The following MTUS2 variants were observed in gnomAD, a reference collection of about 807,000 sequenced individuals.
MTUS2 encodes the protein microtubule-associated tumor suppressor candidate 2.
MTUS2 carries 40 observed loss-of-function variants against 114.1 expected under a neutral mutation model. That is an observed-to-expected ratio of 0.35 (90% confidence interval 0.27 to 0.46). MTUS2 has a LOEUF of 0.46. Among genes scored for constraint, MTUS2 ranks in the 20% least tolerant of loss-of-function variants. The pLI, the probability that MTUS2 is intolerant of heterozygous loss-of-function variation, is 1.00. For missense variants in MTUS2, 1,679 were observed against 1,705.4 expected, an observed-to-expected ratio of 0.98 and a Z score of 0.27; for synonymous variants, 688 against 672.0, an observed-to-expected ratio of 1.02 and a Z score of -0.37.
At position 29,025,757 on chromosome 13, in the gene MTUS2, C is replaced by A. The variant is rs546966886; in HGVS notation, c.1059C>A (p.His353Gln). 2.0e-5 allele frequency: 33 copies of A among 1,613,946 alleles called. No individual in the cohort carries two copies. The Admixed American group carries it at 3.7e-4, about 18-fold the overall frequency. Reference sequence around the variant, plus strand: ...GAAGGGATCCATGTGGGGAAGCACACCCGGAAGCCACCGATGCACTTGGCC... The same window carrying A: ...GAAGGGATCCATGTGGGGAAGCACAACCGGAAGCCACCGATGCACTTGGCC... ...LEGRDPCGEA[H>Q]PEATDALGHL... is the part of the protein sequence containing the mutation. The change falls in exon 3 of 16, where the codon CAC becomes CAA. Residue 353 changes from histidine to glutamine, a missense_variant. By Grantham distance (24) the His-to-Gln change is conservative. Transcript: ENST00000612955.
chr13:28,864,434 C>T (rs1212729426), intron 2 of MTUS2, among the ~76,000 whole-genome samples: 4 of 152,190 alleles, frequency 2.6e-5, no homozygotes, highest in African/African-American at 9.7e-5. Context: ...ACCTGCAGCT[C>T]TTGAAATTCT....
At chr13:28,918,307 A>G (rs533256491) in intron 2 of MTUS2, among the ~76,000 whole-genome samples, 5 of 152,118 alleles carry the variant, frequency 3.3e-5, no homozygotes, top group African/African-American at 1.2e-4. Context: ...ATTGAGGTCT[A>G]TCTCAATCTT....
intron 9 of MTUS2, among the ~76,000 whole-genome samples, chr13:29,447,751 G>A (rs1190486285): frequency 1.3e-5 from 2 of 151,844 alleles, no homozygotes; most frequent in East Asian, 3.9e-4. Context: ...GGTGGTTGTG[G>A]GGATTAAAGG....
At chr13:29,142,264 G>A (rs1892255444) in intron 5 of MTUS2, among the ~76,000 whole-genome samples, 1 of 152,140 alleles carries the variant, frequency 6.6e-6, no homozygotes, top group Non-Finnish European at 1.5e-5. Flanking sequence ...TGATGGGTTT[G>A]TTAAAACAAT....
intron 5 of MTUS2, among the ~76,000 whole-genome samples, chr13:29,168,151 C>G (rs1893395981): frequency 1.3e-5 from 2 of 152,108 alleles, no homozygotes; most frequent in Admixed American, 6.5e-5. Context: ...TGAACATTAG[C>G]TGAATGTTTT....
At position 29,347,769 on chromosome 13, in the gene MTUS2, C is replaced by T. The variant is rs191768528; in HGVS notation, c.2906-11493C>T. Among the ~76,000 whole-genome samples, 680 of 152,338 alleles carry T rather than the reference C, an allele frequency of 4.5e-3. 3 individuals carry two copies. The highest frequency in any genetic ancestry group is 0.021 in the South Asian group (102 of 4,824). The stretch of plus-strand genomic sequence containing the variant: ...GTAGTAGGTGTGTATGTGACCCACA[C>T]GTCTGTCTGACTTGGCTACAAATTG... On this transcript the variant is annotated intron_variant, in intron 7 of 15. Transcript: ENST00000612955.
chr13:28,939,121 C>G (rs1882083264), intron 2 of MTUS2, among the ~76,000 whole-genome samples: 1 of 152,204 alleles, frequency 6.6e-6, no homozygotes, highest in South Asian at 2.1e-4. Context: ...TCAAACTTTA[C>G]AATGTTTCGC....
At chr13:29,366,101 G>T (rs1870689325) in intron 8 of MTUS2, among the ~76,000 whole-genome samples, 1 of 152,190 alleles carries the variant, frequency 6.6e-6, no homozygotes, top group Non-Finnish European at 1.5e-5. Flanking sequence ...CAGTGCCTCT[G>T]ACTCTGTGGG....
chr13:29,091,945 G>A (rs1889971233), intron 4 of MTUS2, among the ~76,000 whole-genome samples: 1 of 152,174 alleles, frequency 6.6e-6, no homozygotes, highest in African/African-American at 2.4e-5. Context: ...CAAAGCCTGA[G>A]GAAAGACCCC....
At chr13:29,404,037 A>G (rs1566182273) in intron 8 of MTUS2, among the ~76,000 whole-genome samples, 2 of 151,968 alleles carry the variant, frequency 1.3e-5, no homozygotes, top group African/African-American at 4.8e-5. Flanking sequence ...CTTATTTACT[A>G]CATCCATCTA....
intron 9 of MTUS2, among the ~76,000 whole-genome samples, chr13:29,458,507 A>C (rs1450547538): frequency 6.6e-6 from 1 of 151,106 alleles, no homozygotes; most frequent in Admixed American, 6.6e-5. Flanking sequence ...AAATGAGGTA[A>C]GTGCTTTTTC....
chr13:29,214,498 G>A (rs1356912700), intron 5 of MTUS2, among the ~76,000 whole-genome samples: 8 of 152,150 alleles, frequency 5.3e-5, no homozygotes, highest in Non-Finnish European at 1.2e-4. Flanking sequence ...ACCTGGTACT[G>A]GTTGTTCCTT....
At chr13:29,190,630 AG>A (rs1894407962) in intron 5 of MTUS2, among the ~76,000 whole-genome samples, 1 of 152,214 alleles carries the variant, frequency 6.6e-6, no homozygotes, top group Admixed American at 6.5e-5. Flanking sequence ...ACATTGTGTT[AG>A]TTAGGTGTGG....
In MTUS2 at chr13:29,024,534, G is replaced by T; in HGVS notation, c.-165G>T. On this transcript the variant is annotated 5_prime_UTR_variant, in exon 3 of 16. Coordinates refer to ENST00000612955, the MANE Select transcript of MTUS2 (RefSeq NM_001033602.4). ...CCTGCTGTATATCAAGACAATGCTT[G>T]GTTTTCAAGCTGTTCTGAGAATGAT... The T allele has an allele frequency of 1.3e-6, 1 of 786,520 alleles. No individual in the cohort carries two copies. Among genetic ancestry groups the T allele is most frequent in the Non-Finnish European group, 2.0e-6 (1 of 497,816 alleles). The allele number at this position is 786,520 out of a possible 1,614,324, so 48.7% of individuals were successfully genotyped here.
intron 9 of MTUS2, among the ~76,000 whole-genome samples, chr13:29,440,728 C>T (rs902483882): frequency 2.0e-5 from 3 of 152,036 alleles, no homozygotes; most frequent in Non-Finnish European, 2.9e-5. Flanking sequence ...GTTCCTATTG[C>T]CCGCTATTCT....
intron 6 of MTUS2, among the ~76,000 whole-genome samples, chr13:29,302,150 A>G (rs959285528): frequency 2.0e-5 from 3 of 152,222 alleles, no homozygotes; most frequent in East Asian, 1.9e-4. Context: ...AGCACCTTCA[A>G]TTGAAATATC....
intron 5 of MTUS2, among the ~76,000 whole-genome samples, chr13:29,200,555 T>C (rs1894907542): frequency 7.0e-6 from 1 of 142,714 alleles, no homozygotes; most frequent in African/African-American, 2.6e-5. Flanking sequence ...AGTTTTGCTC[T>C]TGTTGCCCAG....
chr13:29,171,200 T>C (rs2139119867), intron 5 of MTUS2, among the ~76,000 whole-genome samples: 1 of 152,204 alleles, frequency 6.6e-6, no homozygotes, highest in South Asian at 2.1e-4. Context: ...GAATTAAATT[T>C]TCTGGTTAAT....
Position 29,337,091 on chromosome 13 carries a change from G to A in MTUS2, c.2905+12380G>A, listed in dbSNP as rs141674627. Among the ~76,000 whole-genome samples, 662 of 152,282 alleles carry A rather than the reference G, an allele frequency of 4.3e-3. 3 individuals are homozygous for A. The highest frequency in any genetic ancestry group is 0.015 in the African/African-American group (605 of 41,568). On this transcript the variant is annotated intron_variant, in intron 7 of 15. Coordinates refer to ENST00000612955, the MANE Select transcript of MTUS2 (RefSeq NM_001033602.4). ...TAGCTTGCTGGGCTCTGTGGGGATG[G>A]GTTCTGCTGAGCTAGACCACTTGGC...
Sources: allele counts gnomAD v4.1 joint callset (sites outside exome capture counted in the v4.1 genomes callset), GRCh38; gene constraint gnomAD v4.1.1; transcripts MANE v1.5; gene names NCBI Gene and HGNC (gene_info 2026-07-23, HGNC 2026-07-21).